Variants in DDX60L observed in about 807,000 individuals in gnomAD.
DDX60L encodes DExD/H-box 60 like.
A neutral mutation model predicts 211.6 loss-of-function variants in DDX60L; 191 were observed. That is an observed-to-expected ratio of 0.90 (90% CI 0.80 to 1.02). DDX60L has a LOEUF of 1.02. Ranked by LOEUF, DDX60L falls within the 50% of genes least tolerant of loss-of-function variation. DDX60L has a pLI of 0.00. For missense variants in DDX60L, 2,007 were observed against 1,984.1 expected, an observed-to-expected ratio of 1.01 and a Z score of -0.22; for synonymous variants, 706 against 694.1, an observed-to-expected ratio of 1.02 and a Z score of -0.27.
At position 168,441,272 on chromosome 4, in the gene DDX60L, AG is replaced by A. The variant is rs1407773275; in HGVS notation, c.1294+64del. On this transcript the variant is annotated intron_variant, in intron 10 of 37. Transcript: ENST00000682922. Reference sequence around the variant, plus strand: ...TTACACTTGGAAGAATTGAATTATTAGGGCTTCTAAAAGTTGTTCAGGACAA... The same window carrying A: ...TTACACTTGGAAGAATTGAATTATTAGGCTTCTAAAAGTTGTTCAGGACAA... 13 of 1,400,324 alleles carry A rather than the reference AG, an allele frequency of 9.3e-6. No individual in the cohort carries two copies. The East Asian group carries it at 3.1e-4, about 33-fold the overall frequency. 86.7% of individuals were successfully genotyped at this position (1,400,324 alleles called of 1,614,324 possible).
intron 29 of DDX60L, among the ~76,000 whole-genome samples, chr4:168,389,371 T>C (rs921872739): frequency 6.6e-6 from 1 of 152,196 alleles, no homozygotes; most frequent in Non-Finnish European, 1.5e-5. Flanking sequence ...CCATATCATT[T>C]TTTTCAATTA....
chr4:168,408,657 T>C (rs1480742739), intron 22 of DDX60L, among the ~76,000 whole-genome samples: 1 of 152,164 alleles, frequency 6.6e-6, no homozygotes, highest in Non-Finnish European at 1.5e-5. Context: ...AAAAGTTACA[T>C]ACTAAGCATT....
At chr4:168,461,598 TATA>T (rs1038550064) in intron 5 of DDX60L, 98 bp downstream of exon 5, 13 of 806,576 alleles carry the variant, frequency 1.6e-5, no homozygotes, top group Non-Finnish European at 2.5e-5. Flanking sequence ...GGAGACTGCC[TATA>T]ATAAGTTCCA....
rs752251571 is a variant in DDX60L, at chr4:168,400,865, T to A, written c.3452A>T (p.Asp1151Val). The A allele has an allele frequency of 3.1e-6, 5 of 1,613,296 alleles. No homozygotes were observed. The highest frequency in any genetic ancestry group is 2.2e-5 in the East Asian group (1 of 44,878). Residue 1151 changes from aspartate (D) to valine (V), a missense_variant, in exon 26 of 38, where the codon GAT becomes GTT. Asp to Val is a radical substitution (Grantham distance 152, BLOSUM62 -3). Coordinates refer to ENST00000682922, the MANE Select transcript of DDX60L (RefSeq NM_001012967.3). Reference sequence around the variant, plus strand: ...CTTCCTCACTTTTTCAAGTACTTCATCTATTGCAAAGACATAACTATGACA... The same window carrying A: ...CTTCCTCACTTTTTCAAGTACTTCAACTATTGCAAAGACATAACTATGACA... ...TECHSYVFAI[D>V]EVLEKVRKTQ...
intron 4 of DDX60L, among the ~76,000 whole-genome samples, chr4:168,467,445 C>CAAAAAAAAAAAAA (rs199648164): frequency 8.4e-4 from 92 of 108,920 alleles, no homozygotes; most frequent in Non-Finnish European, 1.5e-3. Flanking sequence ...GTTTCCATTC[C>CAAAAAAAAAAAAA]AAAAAAAAAA....
chr4:168,374,552 T>G (rs1163738871), intron 34 of DDX60L, among the ~76,000 whole-genome samples: 1 of 152,208 alleles, frequency 6.6e-6, no homozygotes, highest in Non-Finnish European at 1.5e-5. Flanking sequence ...AAGAATGATA[T>G]TTGCAACGTC....
chr4:168,412,171 C>T (rs1748788089), intron 22 of DDX60L, among the ~76,000 whole-genome samples: 1 of 151,380 alleles, frequency 6.6e-6, no homozygotes, highest in African/African-American at 2.4e-5. Flanking sequence ...GCTGTGGTGG[C>T]TATGGGGAGA....
chr4:168,392,745 A>T (rs1745061072), intron 28 of DDX60L, among the ~76,000 whole-genome samples: 1 of 151,572 alleles, frequency 6.6e-6, no homozygotes, highest in African/African-American at 2.4e-5. Context: ...CAGGAGGCAG[A>T]GGCAGAATTG....
intron 8 of DDX60L, among the ~76,000 whole-genome samples, chr4:168,449,465 T>G (rs570331552): frequency 7.2e-5 from 2 of 27,862 alleles, no homozygotes; most frequent in East Asian, 9.9e-4. Context: ...GGGACTGTGG[T>G]GGGGTCGGGG....
intron 22 of DDX60L, among the ~76,000 whole-genome samples, chr4:168,413,484 C>T (rs1366853597): frequency 6.6e-6 from 1 of 151,824 alleles, no homozygotes; most frequent in Non-Finnish European, 1.5e-5. Flanking sequence ...ATACACAAAT[C>T]AATGTGATAT....
chr4:168,416,561 AT>A (rs1561024140), intron 20 of DDX60L, 120 bp downstream of exon 20: 2 of 556,596 alleles, frequency 3.6e-6, no homozygotes, highest in African/African-American at 3.9e-5. Flanking sequence ...CGTTTCAAAG[AT>A]TGGGTAATAA....
At chr4:168,414,783 A>C (rs1157295491) in intron 22 of DDX60L, among the ~76,000 whole-genome samples, 1 of 152,086 alleles carries the variant, frequency 6.6e-6, no homozygotes, top group Non-Finnish European at 1.5e-5. Flanking sequence ...ACGTGTTCTA[A>C]CTTATCTGTG....
intron 14 of DDX60L, among the ~76,000 whole-genome samples, chr4:168,425,591 G>A (rs891518261): frequency 5.3e-5 from 8 of 152,028 alleles, no homozygotes; most frequent in Non-Finnish European, 8.8e-5. Context: ...GCAAAACCCC[G>A]TCTCTACTAA....
chr4:168,420,178 G>C (rs773618863), intron 18 of DDX60L, 83 bp downstream of exon 18: 3 of 1,131,110 alleles, frequency 2.7e-6, no homozygotes, highest in Non-Finnish European at 2.4e-6. Flanking sequence ...ATAAGGGCTT[G>C]TGTTTTGCAG....
At chr4:168,471,705 A>T in intron 4 of DDX60L, 42 bp downstream of exon 4, 1 of 1,461,946 alleles carries the variant, frequency 6.8e-7, no homozygotes. Flanking sequence ...TTTCAGTTAT[A>T]GTCTTCAAAG....
At chr4:168,403,902 T>C in intron 25 of DDX60L, 80 bp downstream of exon 25, 2 of 834,062 alleles carry the variant, frequency 2.4e-6, no homozygotes, top group Non-Finnish European at 3.4e-6. Flanking sequence ...CCACTATATA[T>C]AAATGAGACT....
intron 14 of DDX60L, 95 bp downstream of exon 14, chr4:168,426,975 A>G: frequency 1.5e-6 from 2 of 1,294,610 alleles, no homozygotes; most frequent in Non-Finnish European, 2.1e-6. Flanking sequence ...AATGGATTAT[A>G]CAAAGTTTTA....
chr4:168,397,949 C>G (rs1002977143), intron 26 of DDX60L, among the ~76,000 whole-genome samples: 2 of 152,126 alleles, frequency 1.3e-5, no homozygotes, highest in African/African-American at 4.8e-5. Context: ...GGGCTGGGAG[C>G]AGGCAGGAGC....
chr4:168,426,300 C>T (rs773400927), intron 14 of DDX60L, among the ~76,000 whole-genome samples: 1 of 152,178 alleles, frequency 6.6e-6, no homozygotes, highest in Non-Finnish European at 1.5e-5. Flanking sequence ...GGGTCAGAAA[C>T]AAAAGGCTTT....
Sources: gnomAD v4.1 joint callset for allele counts (sites outside exome capture counted in the v4.1 genomes callset) on GRCh38, gnomAD v4.1.1 for gene constraint, MANE v1.5 for transcripts, NCBI Gene and HGNC (gene_info 2026-07-23, HGNC 2026-07-21) for gene names.